The following TSPEAR variants were observed in gnomAD, a reference collection of about 807,000 sequenced individuals.
TSPEAR encodes the protein thrombospondin-type laminin G domain and EAR repeat-containing protein.
A neutral mutation model predicts 71.6 loss-of-function variants in TSPEAR; 69 were observed. The ratio of observed to expected loss-of-function variants is 0.96; its 90% confidence interval spans 0.79 to 1.18. The LOEUF (loss-of-function observed/expected upper bound fraction) is 1.18, where lower values mean the gene tolerates loss of function less well. Ranked by LOEUF, TSPEAR falls within the 50% of genes most tolerant of loss-of-function variation. The probability of loss-of-function intolerance (pLI) is 0.00; values close to 1 mark genes in which losing one functional copy is unlikely to be tolerated. For missense variants in TSPEAR, 971 were observed against 894.9 expected, an observed-to-expected ratio of 1.09 and a Z score of -1.09; for synonymous variants, 402 against 387.2, an observed-to-expected ratio of 1.04 and a Z score of -0.45.
chr21:44,574,440 T>C, intron 1 of TSPEAR: 1 of 1,602,598 alleles, frequency 6.2e-7, no homozygotes, highest in Non-Finnish European at 8.5e-7. Flanking sequence ...CCAGCAGGCC[T>C]GCTGCGTGCC....
rs2051989298 is a variant in TSPEAR, at chr21:44,499,756, C to T, written c.*27G>A. On this transcript the variant is annotated 3_prime_UTR_variant, in exon 12 of 12. Coordinates refer to ENST00000323084, the MANE Select transcript of TSPEAR (RefSeq NM_144991.3). ...CTGGGGTCCCGCCCCACCTGGCCACCCCAGTTGCTGCCGGGCAGCCGCGGC... is the reference window on the plus strand; with the variant it reads ...CTGGGGTCCCGCCCCACCTGGCCACTCCAGTTGCTGCCGGGCAGCCGCGGC... 1 of 1,540,698 alleles carries T rather than the reference C, an allele frequency of 6.5e-7. No homozygotes were observed. Among genetic ancestry groups the T allele is most frequent in the South Asian group, 1.2e-5 (1 of 83,422 alleles).
chr21:44,529,714 G>A, intron 5 of TSPEAR, 84 bp downstream of exon 5: 1 of 1,497,166 alleles, frequency 6.7e-7, no homozygotes, highest in Non-Finnish European at 9.2e-7. Context: ...GGGGCTGAGA[G>A]CTGAGCCCTG....
chr21:44,543,117 T>C (rs1362135685), intron 2 of TSPEAR, among the ~76,000 whole-genome samples: 1 of 149,666 alleles, frequency 6.7e-6, no homozygotes, highest in Non-Finnish European at 1.5e-5. Flanking sequence ...CAGCAGGATC[T>C]GCACTACAGA....
chr21:44,522,174 G>C (rs901439518), intron 8 of TSPEAR, 62 bp from the exon 9 acceptor site: 3 of 1,511,240 alleles, frequency 2.0e-6, no homozygotes, highest in Non-Finnish European at 2.8e-6. Context: ...TGGCAGCCCC[G>C]ACGGAGGCAG....
At chr21:44,573,087 C>G (rs1978289904) in intron 1 of TSPEAR, among the ~76,000 whole-genome samples, 1 of 152,178 alleles carries the variant, frequency 6.6e-6, no homozygotes, top group Non-Finnish European at 1.5e-5. Flanking sequence ...CACGGAATTT[C>G]TGTTGTGTGA....
Position 44,612,615 on chromosome 21 carries a change from A to T in TSPEAR, c.83-44610T>A, listed in dbSNP as rs781866521. ...GCCTGCTGTGTGCCCATCTGCTGCAAGCCCATCTGCTGTGTGCCTGTCTGC... is the reference window on the plus strand; with the variant it reads ...GCCTGCTGTGTGCCCATCTGCTGCATGCCCATCTGCTGTGTGCCTGTCTGC... On this transcript the variant is annotated intron_variant, in intron 1 of 11. Coordinates refer to ENST00000323084, the MANE Select transcript of TSPEAR (RefSeq NM_144991.3). The surrounding 1 kb of genome is among the most constrained non-coding windows in gnomAD (Gnocchi z 4.1). 6.2e-7 allele frequency: 1 copy of T among 1,613,622 alleles called. No homozygotes were observed. Among genetic ancestry groups the T allele is most frequent in the East Asian group, 2.2e-5 (1 of 44,868 alleles).
chr21:44,691,220 G>A (rs868912024), intron 1 of TSPEAR, among the ~76,000 whole-genome samples: 4 of 152,008 alleles, frequency 2.6e-5, no homozygotes, highest in Non-Finnish European at 2.9e-5. Context: ...CTCTCCCCAA[G>A]CTCTAAGAGA....
rs782537440 is a variant in TSPEAR at position 44,527,302 on chromosome 21, A to T, written c.1139T>A (p.Ile380Asn). ...HQAQAWRHFT[I>N]GKKIFLAVAN... ...CGAACACAGACTTGCCTTTTTCCCG[A>T]TGGTGAAATGCCTCCAGGCCTGTGC... The change falls in exon 7 of 12, where the codon ATC becomes AAC. Residue 380 changes from isoleucine to asparagine, a missense_variant. Ile to Asn is a moderately radical substitution (Grantham distance 149). Coordinates refer to ENST00000323084, the MANE Select transcript of TSPEAR (RefSeq NM_144991.3). 6.2e-7 allele frequency: 1 copy of T among 1,613,974 alleles called. No individual in the cohort carries two copies. Among genetic ancestry groups the T allele is most frequent in the Non-Finnish European group, 8.5e-7 (1 of 1,180,028 alleles).
At chr21:44,557,690 C>G in intron 2 of TSPEAR, 1 of 292,796 alleles carries the variant, frequency 3.4e-6, no homozygotes, top group Non-Finnish European at 6.4e-6. Flanking sequence ...TGCTGTCAGC[C>G]TGGATGCAGC....
chr21:44,637,651 T>C (rs781889684), intron 1 of TSPEAR: 295 of 1,580,926 alleles, frequency 1.9e-4, no homozygotes, highest in Non-Finnish European at 2.4e-4. Flanking sequence ...ACCAGCAGTC[T>C]AGCTGCCAGC....
At chr21:44,561,422 A>G (rs1216232408) in intron 2 of TSPEAR, among the ~76,000 whole-genome samples, 1 of 152,352 alleles carries the variant, frequency 6.6e-6, no homozygotes, top group Middle Eastern at 3.4e-3. Context: ...AGGTGGTACC[A>G]TTCCTTCTGA....
chr21:44,641,945 AC>A (rs201614134), intron 1 of TSPEAR, among the ~76,000 whole-genome samples: 212 of 152,034 alleles, frequency 1.4e-3, no homozygotes, highest in African/African-American at 4.7e-3. Flanking sequence ...AAGAAACACG[AC>A]CCCCTCTTTT....
chr21:44,590,963 G>A (rs1555926415), intron 1 of TSPEAR, among the ~76,000 whole-genome samples: 2 of 152,080 alleles, frequency 1.3e-5, no homozygotes, highest in Admixed American at 6.5e-5. Context: ...CCCCTCGGGG[G>A]TCCACAGACA....
intron 1 of TSPEAR, among the ~76,000 whole-genome samples, chr21:44,652,116 TGGGA>T (rs1297515807): frequency 2.0e-4 from 30 of 151,748 alleles, no homozygotes; most frequent in Admixed American, 1.8e-3. Flanking sequence ...CCCGAATAGC[TGGGA>T]GTACAGGTGC....
intron 1 of TSPEAR, among the ~76,000 whole-genome samples, chr21:44,590,767 G>A (rs587610033): frequency 0.031 from 4,677 of 151,316 alleles, 241 homozygotes; most frequent in African/African-American, 0.11. Context: ...TGGCTCAGGG[G>A]CCCAGAGTGC....
At chr21:44,643,691 T>C (rs2146232672) in intron 1 of TSPEAR, among the ~76,000 whole-genome samples, 1 of 152,228 alleles carries the variant, frequency 6.6e-6, no homozygotes, top group South Asian at 2.1e-4. Flanking sequence ...CTCAGTAGAT[T>C]AATACACACA....
At chr21:44,517,454 GAGGACGTGAGCAC>G (rs2052613112) in intron 9 of TSPEAR, 1 of 262,742 alleles carries the variant, frequency 3.8e-6, no homozygotes, top group Non-Finnish European at 7.6e-6. Flanking sequence ...AATGAGCTGT[GAGGACGTGAGCAC>G]AGGTCCAGCT....
At chr21:44,538,848 C>G in intron 2 of TSPEAR, 2 of 241,576 alleles carry the variant, frequency 8.3e-6, no homozygotes, top group South Asian at 1.3e-4. Context: ...CCTGGTGACC[C>G]CCTGGAGGAG....
At chr21:44,545,798 T>TA (rs1312253781) in intron 2 of TSPEAR, among the ~76,000 whole-genome samples, 2 of 151,320 alleles carry the variant, frequency 1.3e-5, no homozygotes, top group Non-Finnish European at 2.9e-5. Context: ...GCTTACATTT[T>TA]AAAAAAAAAT....
Sources: gnomAD v4.1 joint callset for allele counts (sites outside exome capture counted in the v4.1 genomes callset) on GRCh38, gnomAD v4.1.1 for gene constraint, Gnocchi (gnomAD v3.1) non-coding constraint, MANE v1.5 for transcripts, NCBI Gene and HGNC (gene_info 2026-07-23, HGNC 2026-07-21) for gene names.